The following GRM5 variants were observed in gnomAD, a reference collection of about 807,000 sequenced individuals.
GRM5 encodes glutamate metabotropic receptor 5, also known as metabotropic glutamate receptor 5.
GRM5 carries 19 observed loss-of-function variants against 83.1 expected under a neutral mutation model. That is an observed-to-expected ratio of 0.23 (90% CI 0.16 to 0.34). The LOEUF (loss-of-function observed/expected upper bound fraction) is 0.34, where lower values mean the gene tolerates loss of function less well. GRM5 is among the 10% of genes least tolerant of loss of function. The pLI, the probability that GRM5 is intolerant of heterozygous loss-of-function variation, is 1.00. For synonymous variants in GRM5, 675 were observed against 633.6 expected (o/e 1.07, Z -0.98); for missense variants, 1,160 against 1,588.3 (o/e 0.73, Z 4.58).
intron 4 of GRM5, among the ~76,000 whole-genome samples, chr11:88,641,353 T>C (rs147721684): frequency 4.7e-4 from 72 of 151,992 alleles, no homozygotes; most frequent in African/African-American, 1.7e-3. Flanking sequence ...GATTACAATT[T>C]GACATGAGAT....
At chr11:88,688,663 C>A (rs2135356389) in intron 3 of GRM5, among the ~76,000 whole-genome samples, 1 of 152,192 alleles carries the variant, frequency 6.6e-6, no homozygotes, top group Admixed American at 6.5e-5. Flanking sequence ...CCAAAGGAAA[C>A]AAAATCATCC....
At chr11:88,615,568 AC>A in intron 4 of GRM5, among the ~76,000 whole-genome samples, 1 of 152,002 alleles carries the variant, frequency 6.6e-6, no homozygotes, top group East Asian at 1.9e-4. Flanking sequence ...ATGTGTGCTA[AC>A]AAAATCAGGA....
At chr11:88,874,170 A>AT (rs900997812) in intron 2 of GRM5, among the ~76,000 whole-genome samples, 13 of 5,880 alleles carry the variant, frequency 2.2e-3, no homozygotes, top group Non-Finnish European at 3.0e-3. Context: ...TTCTGAGATG[A>AT]TTTAAAAAAA....
intron 3 of GRM5, among the ~76,000 whole-genome samples, chr11:88,673,132 A>C (rs10501675): frequency 0.87 from 132,549 of 151,858 alleles, 59,380 homozygotes; most frequent in Non-Finnish European, 0.97. Flanking sequence ...GATGACTCTT[A>C]TTTGCGAATG....
chr11:89,021,462 C>T (rs1435524090), intron 2 of GRM5, among the ~76,000 whole-genome samples: 1 of 152,046 alleles, frequency 6.6e-6, no homozygotes, highest in Non-Finnish European at 1.5e-5. Flanking sequence ...GCTGTATATA[C>T]CAGAATTATT....
intron 8 of GRM5, among the ~76,000 whole-genome samples, chr11:88,562,225 T>C (rs1320425811): frequency 6.6e-6 from 1 of 152,192 alleles, no homozygotes; most frequent in Admixed American, 6.6e-5. Flanking sequence ...AATAAGAGAA[T>C]AGAGTTTTTT....
chr11:88,680,367 G>GA (rs1195917097), intron 3 of GRM5, among the ~76,000 whole-genome samples: 1 of 152,094 alleles, frequency 6.6e-6, no homozygotes, highest in Admixed American at 6.6e-5. Flanking sequence ...AGTTTGCTGA[G>GA]AATGATGGTT....
At chr11:88,518,008 T>C (rs1475946021) in intron 9 of GRM5, among the ~76,000 whole-genome samples, 1 of 151,986 alleles carries the variant, frequency 6.6e-6, no homozygotes, top group African/African-American at 2.4e-5. Flanking sequence ...GCTCCTCCTT[T>C]TTTTCAGTAA....
At chr11:88,561,574 G>A (rs1387383545) in intron 8 of GRM5, among the ~76,000 whole-genome samples, 1 of 152,112 alleles carries the variant, frequency 6.6e-6, no homozygotes, top group African/African-American at 2.4e-5. Flanking sequence ...GTCAGAACTG[G>A]CCTTGTGTTC....
intron 8 of GRM5, among the ~76,000 whole-genome samples, chr11:88,528,217 A>C (rs1228314485): frequency 6.6e-6 from 1 of 152,120 alleles, no homozygotes; most frequent in Non-Finnish European, 1.5e-5. Context: ...CATTTTAAAA[A>C]TGTGAGCAAT....
At chr11:88,702,281 A>G (rs1941053650) in intron 3 of GRM5, among the ~76,000 whole-genome samples, 1 of 152,098 alleles carries the variant, frequency 6.6e-6, no homozygotes, top group African/African-American at 2.4e-5. Flanking sequence ...CAGAGGTACA[A>G]AAAGGAATAA....
intron 7 of GRM5, among the ~76,000 whole-genome samples, chr11:88,580,254 GAGATT>G (rs1301097737): frequency 6.6e-6 from 1 of 152,144 alleles, no homozygotes; most frequent in Admixed American, 6.5e-5. Context: ...TTTAAGTCTG[GAGATT>G]AGGTGAGAGA....
intron 3 of GRM5, among the ~76,000 whole-genome samples, chr11:88,771,219 A>G (rs1591503296): frequency 1.3e-5 from 2 of 152,218 alleles, no homozygotes; most frequent in Admixed American, 1.3e-4. Flanking sequence ...GGATAGAACT[A>G]ATAGGATATA....
At chr11:88,870,856 C>A (rs186518593) in intron 2 of GRM5, among the ~76,000 whole-genome samples, 23 of 151,518 alleles carry the variant, frequency 1.5e-4, no homozygotes, top group African/African-American at 5.5e-4. Flanking sequence ...TACGCCAGAG[C>A]TTTTGCTCAG....
chr11:88,873,095 C>T (rs1467041735), intron 2 of GRM5, among the ~76,000 whole-genome samples: 3 of 151,274 alleles, frequency 2.0e-5, no homozygotes, highest in African/African-American at 7.3e-5. Context: ...AGAGCTTAAG[C>T]CAAAAACTGT....
At chr11:88,656,311 C>T (rs1481857840) in intron 3 of GRM5, among the ~76,000 whole-genome samples, 1 of 152,154 alleles carries the variant, frequency 6.6e-6, no homozygotes, top group African/African-American at 2.4e-5. Flanking sequence ...TGCCCAACTC[C>T]TCATAATCCA....
intron 1 of GRM5, among the ~76,000 whole-genome samples, chr11:89,064,888 C>CTCTCTCTCTG (rs1218318990): frequency 4.8e-5 from 3 of 62,268 alleles, no homozygotes; most frequent in Admixed American, 1.7e-4. Context: ...CTCTCTCTCT[C>CTCTCTCTCTG]TGTGTGTGTG....
intron 2 of GRM5, among the ~76,000 whole-genome samples, chr11:88,994,816 T>A (rs1023045511): frequency 1.3e-5 from 2 of 152,056 alleles, no homozygotes; most frequent in African/African-American, 4.8e-5. Context: ...TCTATTGATA[T>A]CTATAGAGCT....
chr11:88,827,439 A>C (rs372901592), intron 3 of GRM5, among the ~76,000 whole-genome samples: 1 of 152,226 alleles, frequency 6.6e-6, no homozygotes, highest in Admixed American at 6.5e-5. Context: ...GTTTTCTACA[A>C]ATATGTTATG....
Sources: gnomAD v4.1 joint callset for allele counts (sites outside exome capture counted in the v4.1 genomes callset) on GRCh38, gnomAD v4.1.1 for gene constraint, MANE v1.5 for transcripts, NCBI Gene and HGNC (gene_info 2026-07-23, HGNC 2026-07-21) for gene names.